The following ST3GAL4 variants were observed in gnomAD, a reference collection of about 807,000 sequenced individuals.
ST3GAL4 encodes CMP-N-acetylneuraminate-beta-galactosamide-alpha-2,3-sialyltransferase 4.
In ST3GAL4, 24 loss-of-function variants were observed where a neutral mutation model predicts 42.6. That is an observed-to-expected ratio of 0.56 (90% CI 0.41 to 0.79). The LOEUF is 0.79. ST3GAL4 is among the 30% of genes least tolerant of loss of function. The pLI is 0.00. For synonymous variants in ST3GAL4, 135 were observed against 163.2 expected (o/e 0.83, Z 1.32); for missense variants, 311 against 430.8 (o/e 0.72, Z 2.46).
intron 1 of ST3GAL4, among the ~76,000 whole-genome samples, chr11:126,361,390 C>A (rs1952237294): frequency 6.7e-6 from 1 of 150,018 alleles, no homozygotes; most frequent in African/African-American, 2.5e-5. Context: ...TGAAAACCCC[C>A]ATTGAGTTCC....
chr11:126,413,815 C>T (rs1038357066), intron 10 of ST3GAL4, 146 bp from the exon 11 acceptor site: 11 of 1,382,176 alleles, frequency 8.0e-6, no homozygotes, highest in Admixed American at 4.2e-5. Context: ...TGTTCAGCCA[C>T]ATGGGCTTTG....
chr11:126,402,750 T>TGG (rs1954061547), intron 1 of ST3GAL4, among the ~76,000 whole-genome samples: 1 of 152,244 alleles, frequency 6.6e-6, no homozygotes, highest in Non-Finnish European at 1.5e-5. Flanking sequence ...GCATGGTTTC[T>TGG]GCCTCCACTG....
Position 126,397,317 on chromosome 11 carries a change from C to T in ST3GAL4, c.-60-8779C>T, listed in dbSNP as rs1411162170. ...CACAGAATGATATAACACAAAGTTACATTGTACCATAAAGCATATTCTATA... is the reference window on the plus strand; with the variant it reads ...CACAGAATGATATAACACAAAGTTATATTGTACCATAAAGCATATTCTATA... On this transcript the variant is annotated intron_variant, in intron 1 of 10. Transcript: ENST00000444328. This position sits in a 1 kb window ranked among gnomAD's most constrained non-coding sequence, Gnocchi z 5.0. Among the ~76,000 whole-genome samples, 1 of 152,060 alleles carries T rather than the reference C, an allele frequency of 6.6e-6. No individual in the cohort carries two copies.
chr11:126,390,017 C>CA lies in ST3GAL4; in HGVS notation c.-60-16063dup, dbSNP rs57306343. 9.2e-3 allele frequency among the ~76,000 whole-genome samples: 1,050 copies of CA among 114,576 alleles called. 10 individuals are homozygous for CA. Among genetic ancestry groups the CA allele is most frequent in the South Asian group, 0.016 (55 of 3,428 alleles). 75.2% of individuals were successfully genotyped at this position (114,576 alleles called of 152,430 possible). On this transcript the variant is annotated intron_variant, in intron 1 of 10. Coordinates refer to ENST00000444328, the MANE Select transcript of ST3GAL4 (RefSeq NM_001254757.2). ...TGAAACCCCGTCTCTGCTAAAAATA[C>CA]AAAAAAAAAAAAAAAATTAGCTGGG...
intron 1 of ST3GAL4, among the ~76,000 whole-genome samples, chr11:126,357,263 C>T (rs909224772): frequency 2.0e-5 from 3 of 152,176 alleles, no homozygotes; most frequent in African/African-American, 7.2e-5. Flanking sequence ...CTAAGCTGCC[C>T]CATGGGCCCT....
At chr11:126,407,183 G>T in intron 4 of ST3GAL4, 69 bp from the exon 5 acceptor site, 1 of 1,561,626 alleles carries the variant, frequency 6.4e-7, no homozygotes. Flanking sequence ...TTAGTCATGG[G>T]CCTAACCCTA....
Position 126,386,466 on chromosome 11 carries a change from G to C in ST3GAL4, c.-60-19630G>C, listed in dbSNP as rs1459431663. Reference sequence around the variant, plus strand: ...GGGTCCCCAGCCTGTGCTGGGACAGGGGTATTATTCCAGTAGCCCTTCTGT... The same window carrying C: ...GGGTCCCCAGCCTGTGCTGGGACAGCGGTATTATTCCAGTAGCCCTTCTGT... On this transcript the variant is annotated intron_variant, in intron 1 of 10. Transcript: ENST00000444328. The surrounding 1 kb of genome is among the most constrained non-coding windows in gnomAD (Gnocchi z 4.7). 6.6e-6 allele frequency among the ~76,000 whole-genome samples: 1 copy of C among 152,080 alleles called. No individual in the cohort carries two copies. Among genetic ancestry groups the C allele is most frequent in the Non-Finnish European group, 1.5e-5 (1 of 68,006 alleles).
At position 126,366,777 on chromosome 11, in the gene ST3GAL4, G is replaced by A. The variant is rs767163122; in HGVS notation, c.-61+10935G>A. On this transcript the variant is annotated intron_variant, in intron 1 of 10. Coordinates refer to ENST00000444328, the MANE Select transcript of ST3GAL4 (RefSeq NM_001254757.2). This position sits in a 1 kb window ranked among gnomAD's most constrained non-coding sequence, Gnocchi z 4.2. ...AGCAGATGTTCTGGTGAGGGGAGGC[G>A]GGAGTGCAAGGTCTGCCGAGTGAGG... 2.0e-5 allele frequency among the ~76,000 whole-genome samples: 3 copies of A among 152,172 alleles called. No individual in the cohort carries two copies. The highest frequency in any genetic ancestry group is 2.0e-4 in the Admixed American group (3 of 15,276).
chr11:126,403,166 G>A (rs1051714226), intron 1 of ST3GAL4: 6 of 160,686 alleles, frequency 3.7e-5, no homozygotes, highest in African/African-American at 1.4e-4. Flanking sequence ...GGGAGGGCGT[G>A]GCTCGTGAAA....
Position 126,410,210 on chromosome 11 carries a change from AGTTATGT to A in ST3GAL4, c.771+810_771+816del, listed in dbSNP as rs113087977. Among the ~76,000 whole-genome samples the A allele has an allele frequency of 6.3e-4, 96 of 152,314 alleles. 1 individual carries two copies. The highest frequency in any genetic ancestry group is 2.0e-3 in the Admixed American group (30 of 15,296). On this transcript the variant is annotated intron_variant, in intron 9 of 10. Coordinates refer to ENST00000444328, the MANE Select transcript of ST3GAL4 (RefSeq NM_001254757.2). The surrounding 1 kb of genome is among the most constrained non-coding windows in gnomAD (Gnocchi z 5.3). ...GTGTAAGGCACTGTGTCTGACCACA[AGTTATGT>A]GTTATGTGTTTCTTCTTTTTAACCT...
chr11:126,408,790 A>G, intron 8 of ST3GAL4: 1 of 482,614 alleles, frequency 2.1e-6, no homozygotes, highest in Non-Finnish European at 3.7e-6. Flanking sequence ...TTTGCCTGTG[A>G]GGAACTCGGG....
chr11:126,382,583 G>A (rs1466615834), intron 1 of ST3GAL4, among the ~76,000 whole-genome samples: 4 of 152,124 alleles, frequency 2.6e-5, no homozygotes, highest in Non-Finnish European at 4.4e-5. Context: ...AGATTACGCA[G>A]GGCTTGGTGT....
rs1345690858 is a variant in ST3GAL4, at chr11:126,376,317, T to C, written c.-61+20475T>C. ...CACAATAATATTTTAAAGAGTTTAT[T>C]TGTGTAAGAAGTGAATTGGGAAACA... On this transcript the variant is annotated intron_variant, in intron 1 of 10. Coordinates refer to ENST00000444328, the MANE Select transcript of ST3GAL4 (RefSeq NM_001254757.2). This position sits in a 1 kb window ranked among gnomAD's most constrained non-coding sequence, Gnocchi z 5.1. Among the ~76,000 whole-genome samples the C allele has an allele frequency of 6.6e-6, 1 of 152,172 alleles. No homozygotes were observed. Among genetic ancestry groups the C allele is most frequent in the Non-Finnish European group, 1.5e-5 (1 of 68,032 alleles).
Position 126,406,845 on chromosome 11 carries a change from T to G in ST3GAL4, c.102-98T>G. Reference sequence around the variant, plus strand: ...CTTGAGATGATTCCTCCCCGGCACCTTGGGACCTTCATGCCGTGGGAGAAG... The same window carrying G: ...CTTGAGATGATTCCTCCCCGGCACCGTGGGACCTTCATGCCGTGGGAGAAG... On this transcript the variant is annotated intron_variant, in intron 3 of 10. Transcript: ENST00000444328. This position sits in a 1 kb window ranked among gnomAD's most constrained non-coding sequence, Gnocchi z 5.4. 1 of 1,171,932 alleles carries G rather than the reference T, an allele frequency of 8.5e-7. No homozygotes were observed. The highest frequency in any genetic ancestry group is 1.3e-5 in the South Asian group (1 of 77,212). 72.6% of individuals were successfully genotyped at this position (1,171,932 alleles called of 1,614,324 possible). A position where few individuals can be genotyped will look rare whatever the true frequency, so the allele number is the denominator to read the frequency against.
Position 126,406,032 on chromosome 11 carries a change from G to A in ST3GAL4, c.-60-64G>A. 6.5e-7 allele frequency: 1 copy of A among 1,534,792 alleles called. No homozygotes were observed. Among genetic ancestry groups the A allele is most frequent in the South Asian group, 1.2e-5 (1 of 83,638 alleles). On this transcript the variant is annotated intron_variant, in intron 1 of 10. Transcript: ENST00000444328. This position sits in a 1 kb window ranked among gnomAD's most constrained non-coding sequence, Gnocchi z 5.4. Reference sequence around the variant, plus strand: ...GAGGGGCAGACAGTGGGTGTGTCCTGCTCCAGTGTCTAGGCAGGAGAGTTT... The same window carrying A: ...GAGGGGCAGACAGTGGGTGTGTCCTACTCCAGTGTCTAGGCAGGAGAGTTT...
Position 126,361,761 on chromosome 11 carries a change from G to A in ST3GAL4, c.-61+5919G>A, listed in dbSNP as rs75226550. On this transcript the variant is annotated intron_variant, in intron 1 of 10. Transcript: ENST00000444328. ...GTGCCTGAGGTGGTTGTATGGAGCTGTGAGATTTGTATTCCTAGAAGCAGG... is the reference window on the plus strand; with the variant it reads ...GTGCCTGAGGTGGTTGTATGGAGCTATGAGATTTGTATTCCTAGAAGCAGG... Among the ~76,000 whole-genome samples the A allele has an allele frequency of 7.9e-3, 1,206 of 152,266 alleles. 23 individuals are homozygous for A. The highest frequency in any genetic ancestry group is 0.028 in the African/African-American group (1,143 of 41,544).
rs575879289 is a variant in ST3GAL4 at position 126,409,515 on chromosome 11, G to A, written c.771+104G>A. ...CCTGGAAGGATCCCATAACAGAGGC[G>A]GCGGTTTGCATTTTCCCTCCAGGAA... On this transcript the variant is annotated intron_variant, in intron 9 of 10. Coordinates refer to ENST00000444328, the MANE Select transcript of ST3GAL4 (RefSeq NM_001254757.2). The surrounding 1 kb of genome is among the most constrained non-coding windows in gnomAD (Gnocchi z 4.9). 83 of 1,503,504 alleles carry A rather than the reference G, an allele frequency of 5.5e-5. No homozygotes were observed. In the Admixed American group the frequency reaches 7.5e-4, roughly 14 times the overall value. The allele number at this position is 1,503,504 out of a possible 1,614,324, so 93.1% of individuals were successfully genotyped here.
rs1057369676 is a variant in ST3GAL4, at chr11:126,386,793, T to C, written c.-60-19303T>C. ...TCTGTGCACATCCAGATCTTTGCACTGCGCTGTTTTGACTTGGAGAGGAGA... is the reference window on the plus strand; with the variant it reads ...TCTGTGCACATCCAGATCTTTGCACCGCGCTGTTTTGACTTGGAGAGGAGA... On this transcript the variant is annotated intron_variant, in intron 1 of 10. Transcript: ENST00000444328. This position sits in a 1 kb window ranked among gnomAD's most constrained non-coding sequence, Gnocchi z 4.7. Among the ~76,000 whole-genome samples the C allele has an allele frequency of 6.6e-6, 1 of 152,218 alleles. No individual in the cohort carries two copies. The highest frequency in any genetic ancestry group is 2.1e-4 in the South Asian group (1 of 4,828).
In ST3GAL4 at chr11:126,379,475, A is replaced by ATAT. The variant is rs765941313; in HGVS notation, c.-61+23650_-61+23652dup. 4.5e-4 allele frequency among the ~76,000 whole-genome samples: 69 copies of ATAT among 151,756 alleles called. No individual in the cohort carries two copies. The highest frequency in any genetic ancestry group is 8.0e-4 in the Non-Finnish European group (54 of 67,902). ...CTTGGGTATCCTTAATTTTGTTTTTATATTATTATTATTATTATTGAGACG... is the reference window on the plus strand; with the variant it reads ...CTTGGGTATCCTTAATTTTGTTTTTATATTATTATTATTATTATTATTGAGACG... On this transcript the variant is annotated intron_variant, in intron 1 of 10. Coordinates refer to ENST00000444328, the MANE Select transcript of ST3GAL4 (RefSeq NM_001254757.2). The surrounding 1 kb of genome is among the most constrained non-coding windows in gnomAD (Gnocchi z 4.2).
Sources: gnomAD v4.1 joint callset for allele counts (sites outside exome capture counted in the v4.1 genomes callset) on GRCh38, gnomAD v4.1.1 for gene constraint, Gnocchi (gnomAD v3.1) non-coding constraint, MANE v1.5 for transcripts, NCBI Gene and HGNC (gene_info 2026-07-23, HGNC 2026-07-21) for gene names.